ARHGAP15: variants seen among roughly 807,000 people sequenced by gnomAD.
ARHGAP15 encodes Rho GTPase activating protein 15.
Under a neutral mutation model 63.7 loss-of-function variants are expected in ARHGAP15, and 51 were observed. The ratio of observed to expected loss-of-function variants is 0.80; its 90% CI spans 0.64 to 1.01. The LOEUF (loss-of-function observed/expected upper bound fraction) is 1.01. Among genes scored for constraint, ARHGAP15 ranks in the 50% least tolerant of loss-of-function variants. The pLI, the probability that ARHGAP15 is intolerant of heterozygous loss-of-function variation, is 0.00. For synonymous variants in ARHGAP15, 191 were observed against 193.8 expected (o/e 0.99, Z 0.12); for missense variants, 560 against 564.6 (o/e 0.99, Z 0.08).
chr2:143,282,519 A>C (rs1681902934), intron 6 of ARHGAP15, among the ~76,000 whole-genome samples: 1 of 152,072 alleles, frequency 6.6e-6, no homozygotes, highest in Admixed American at 6.6e-5. Context: ...ATCAGGTCTC[A>C]TGAGACATGC....
chr2:143,537,089 C>T (rs1694807091), intron 10 of ARHGAP15, among the ~76,000 whole-genome samples: 1 of 152,114 alleles, frequency 6.6e-6, no homozygotes, highest in African/African-American at 2.4e-5. Flanking sequence ...GATGGTATCT[C>T]ATTGTGGTTT....
intron 9 of ARHGAP15, among the ~76,000 whole-genome samples, chr2:143,498,035 C>A (rs1692896279): frequency 1.3e-5 from 2 of 152,200 alleles, no homozygotes; most frequent in African/African-American, 4.8e-5. Flanking sequence ...TTCATTTTGA[C>A]ATATCCTAAG....
chr2:143,223,050 C>A (rs1235477808), intron 4 of ARHGAP15, among the ~76,000 whole-genome samples: 1 of 152,156 alleles, frequency 6.6e-6, no homozygotes, highest in African/African-American at 2.4e-5. Flanking sequence ...GAACTTGGCT[C>A]ACTGCAGCCT....
intron 13 of ARHGAP15, among the ~76,000 whole-genome samples, chr2:143,719,024 A>G (rs1163571985): frequency 6.6e-6 from 1 of 152,192 alleles, no homozygotes; most frequent in Non-Finnish European, 1.5e-5. Context: ...CAGTCCTTCC[A>G]TTGGACTAAG....
At chr2:143,323,070 G>A (rs1684095518) in intron 6 of ARHGAP15, among the ~76,000 whole-genome samples, 1 of 152,154 alleles carries the variant, frequency 6.6e-6, no homozygotes, top group African/African-American at 2.4e-5. Flanking sequence ...ACTCTCTTGG[G>A]TTGATGTATG....
At chr2:143,289,954 T>G (rs1682307306) in intron 6 of ARHGAP15, among the ~76,000 whole-genome samples, 1 of 152,206 alleles carries the variant, frequency 6.6e-6, no homozygotes, top group South Asian at 2.1e-4. Context: ...AATATCTAAA[T>G]GAAAGGACTT....
At chr2:143,625,583 T>C (rs1423502497) in intron 12 of ARHGAP15, among the ~76,000 whole-genome samples, 1 of 152,140 alleles carries the variant, frequency 6.6e-6, no homozygotes, top group African/African-American at 2.4e-5. Flanking sequence ...ATGACCCCTC[T>C]ACTTCTTCAG....
At chr2:143,728,295 ATCAG>A (rs1338755286) in intron 13 of ARHGAP15, among the ~76,000 whole-genome samples, 1 of 152,168 alleles carries the variant, frequency 6.6e-6, no homozygotes, top group African/African-American at 2.4e-5. Context: ...CTATAAGGAC[ATCAG>A]TCAAATTGGA....
At chr2:143,536,391 T>G (rs1266126838) in intron 10 of ARHGAP15, among the ~76,000 whole-genome samples, 2 of 152,036 alleles carry the variant, frequency 1.3e-5, no homozygotes, top group African/African-American at 4.8e-5. Context: ...TTTTTTTTAT[T>G]ATTTAAGTTT....
intron 6 of ARHGAP15, among the ~76,000 whole-genome samples, chr2:143,360,798 A>G (rs140989169): frequency 3.9e-5 from 6 of 152,342 alleles, no homozygotes; most frequent in Admixed American, 3.3e-4. Context: ...TCTCCAAGCA[A>G]CACATGCTTA....
At chr2:143,345,327 T>C (rs953534176) in intron 6 of ARHGAP15, among the ~76,000 whole-genome samples, 1 of 152,110 alleles carries the variant, frequency 6.6e-6, no homozygotes, top group Non-Finnish European at 1.5e-5. Flanking sequence ...CTTCAAATTC[T>C]GACTTCTGCC....
intron 11 of ARHGAP15, among the ~76,000 whole-genome samples, chr2:143,588,422 A>G (rs1045732146): frequency 1.3e-5 from 2 of 152,066 alleles, no homozygotes; most frequent in Non-Finnish European, 2.9e-5. Flanking sequence ...TTTGCTGCAT[A>G]GGTATACATG....
chr2:143,546,337 C>CA (rs1695328184), intron 10 of ARHGAP15, among the ~76,000 whole-genome samples: 1 of 152,140 alleles, frequency 6.6e-6, no homozygotes, highest in Non-Finnish European at 1.5e-5. Flanking sequence ...TCAAAGGCTA[C>CA]ACTTTATATA....
At chr2:143,247,769 G>A (rs889861119) in intron 5 of ARHGAP15, among the ~76,000 whole-genome samples, 10 of 152,138 alleles carry the variant, frequency 6.6e-5, no homozygotes, top group Non-Finnish European at 2.9e-5. Flanking sequence ...GAGTGACTTT[G>A]TGTAATCTCA....
chr2:143,166,444 A>T (rs1186584139), intron 2 of ARHGAP15, among the ~76,000 whole-genome samples: 2 of 152,092 alleles, frequency 1.3e-5, no homozygotes, highest in African/African-American at 2.4e-5. Flanking sequence ...CACTAACAGT[A>T]TGTCAGAGAC....
intron 8 of ARHGAP15, among the ~76,000 whole-genome samples, chr2:143,448,017 A>G (rs1301585184): frequency 2.0e-5 from 3 of 152,162 alleles, no homozygotes; most frequent in African/African-American, 7.2e-5. Flanking sequence ...AGGGAAGAGA[A>G]CATACCTATG....
intron 12 of ARHGAP15, among the ~76,000 whole-genome samples, chr2:143,673,720 TA>T (rs1682650195): frequency 1.2e-5 from 1 of 85,512 alleles, no homozygotes; most frequent in African/African-American, 3.5e-5. Context: ...AAAGGCCTTA[TA>T]TTGTGTGTGT....
At chr2:143,756,427 T>C (rs1686578439) in intron 13 of ARHGAP15, among the ~76,000 whole-genome samples, 1 of 152,096 alleles carries the variant, frequency 6.6e-6, no homozygotes, top group Non-Finnish European at 1.5e-5. Flanking sequence ...ATAATGACAG[T>C]CTTATAATTT....
chr2:143,345,668 G>A (rs774201170), intron 6 of ARHGAP15, among the ~76,000 whole-genome samples: 1 of 151,996 alleles, frequency 6.6e-6, no homozygotes, highest in African/African-American at 2.4e-5. Context: ...TTTGGGTACA[G>A]AGTAGTGCAA....
Sources: allele counts gnomAD v4.1 joint callset (sites outside exome capture counted in the v4.1 genomes callset), GRCh38; gene constraint gnomAD v4.1.1; transcripts MANE v1.5; gene names NCBI Gene and HGNC (gene_info 2026-07-23, HGNC 2026-07-21).